The following SH3RF2 variants were observed in gnomAD, a reference collection of about 807,000 sequenced individuals.
The protein encoded by SH3RF2 is SH3 domain containing ring finger 2.
SH3RF2 carries 43 observed loss-of-function variants against 59.0 expected under a neutral mutation model. The observed-to-expected ratio is 0.73, with a 90% CI of 0.57 to 0.94. The LOEUF is 0.94. Ranked by LOEUF, SH3RF2 falls within the 40% of genes least tolerant of loss-of-function variation. The pLI is 0.00. For missense variants in SH3RF2, 930 were observed against 940.1 expected (o/e 0.99, Z 0.14); for synonymous variants, 391 against 391.5 (o/e 1.00, Z 0.01).
intron 7 of SH3RF2, among the ~76,000 whole-genome samples, chr5:146,051,665 G>T (rs1762502220): frequency 6.6e-6 from 1 of 152,172 alleles, no homozygotes; most frequent in African/African-American, 2.4e-5. Flanking sequence ...GCATGTTTTG[G>T]GGTATGGAGG....
chr5:145,969,492 C>T (rs1218661303), intron 2 of SH3RF2, among the ~76,000 whole-genome samples: 1 of 152,098 alleles, frequency 6.6e-6, no homozygotes, highest in Non-Finnish European at 1.5e-5. Context: ...GGAAAAGAGG[C>T]AGAGGGCAGA....
intron 2 of SH3RF2, among the ~76,000 whole-genome samples, chr5:145,963,502 T>C (rs1379170429): frequency 6.6e-6 from 1 of 152,152 alleles, no homozygotes; most frequent in Non-Finnish European, 1.5e-5. Context: ...TTCCAAAGAA[T>C]GAAGGGATTA....
chr5:145,937,849 C>T lies in SH3RF2; in HGVS notation c.-80C>T, dbSNP rs1385429145. ...CAAAAATTCTGACGTTCTCAAGAGACCAGCTCTGCCCCCGTGGCTCAACTG... is the reference window on the plus strand; with the variant it reads ...CAAAAATTCTGACGTTCTCAAGAGATCAGCTCTGCCCCCGTGGCTCAACTG... On this transcript the variant is annotated 5_prime_UTR_variant, in exon 2 of 10. Transcript: ENST00000359120. 1 of 1,508,344 alleles carries T rather than the reference C, an allele frequency of 6.6e-7. No homozygotes were observed. The highest frequency in any genetic ancestry group is 8.9e-7 in the Non-Finnish European group (1 of 1,127,530). The allele number at this position is 1,508,344 out of a possible 1,614,324, so 93.4% of individuals were successfully genotyped here.
chr5:145,969,354 T>C (rs1252437272), intron 2 of SH3RF2, among the ~76,000 whole-genome samples: 1 of 151,818 alleles, frequency 6.6e-6, no homozygotes, highest in Non-Finnish European at 1.5e-5. Flanking sequence ...GCAATCAGAA[T>C]TAAAAAGAAG....
intron 1 of SH3RF2, chr5:145,937,042 A>G (rs1757614495): frequency 6.6e-6 from 1 of 152,172 alleles, no homozygotes; most frequent in Admixed American, 6.5e-5. Flanking sequence ...GGTCGTGACC[A>G]CAATCCAGAA....
In SH3RF2 at chr5:146,075,778, TAAAAAAAAAAAA is replaced by T. The variant is rs56300547; in HGVS notation, c.*34-2664_*34-2653del. On this transcript the variant is annotated intron_variant, in intron 9 of 9. Transcript: ENST00000511217. ...TTGGGCACAATGGCGAAATTCCATG[TAAAAAAAAAAAA>T]AAAAAAAAAAAAAAAAAGGATGAAA... Among the ~76,000 whole-genome samples the T allele has an allele frequency of 2.8e-3, 212 of 76,972 alleles. 2 individuals are homozygous for T. The highest frequency in any genetic ancestry group is 9.2e-3 in the African/African-American group (200 of 21,830). 50.5% of individuals were successfully genotyped at this position (76,972 alleles called of 152,430 possible).
At chr5:145,987,245 A>G (rs1292598882) in intron 2 of SH3RF2, among the ~76,000 whole-genome samples, 2 of 152,264 alleles carry the variant, frequency 1.3e-5, no homozygotes, top group East Asian at 3.9e-4. Flanking sequence ...GTTTGGTTAC[A>G]TGCGTAAGTT....
intron 2 of SH3RF2, among the ~76,000 whole-genome samples, chr5:145,993,420 T>C (rs1321402698): frequency 1.3e-5 from 2 of 152,234 alleles, no homozygotes; most frequent in Non-Finnish European, 2.9e-5. Context: ...CCTCACATTT[T>C]CCTTCTGCAT....
At chr5:146,026,804 G>C (rs931029252) in intron 5 of SH3RF2, among the ~76,000 whole-genome samples, 1 of 152,128 alleles carries the variant, frequency 6.6e-6, no homozygotes, top group Non-Finnish European at 1.5e-5. Context: ...ACTTTACTCC[G>C]TCTGAGCCTC....
At chr5:146,038,392 A>G (rs185062088) in intron 5 of SH3RF2, among the ~76,000 whole-genome samples, 1 of 152,220 alleles carries the variant, frequency 6.6e-6, no homozygotes, top group African/African-American at 2.4e-5. Flanking sequence ...TATAACTGTC[A>G]TTATTTGCAG....
At chr5:145,974,402 A>G (rs574941106) in intron 2 of SH3RF2, among the ~76,000 whole-genome samples, 2 of 152,294 alleles carry the variant, frequency 1.3e-5, no homozygotes, top group East Asian at 3.9e-4. Flanking sequence ...ACCTTTGGTC[A>G]TGGTAGGAAT....
chr5:146,073,785 G>A (rs1479003747), intron 9 of SH3RF2, among the ~76,000 whole-genome samples: 1 of 152,090 alleles, frequency 6.6e-6, no homozygotes, highest in Non-Finnish European at 1.5e-5. Flanking sequence ...TGGAGTAAAT[G>A]GCAAAGAAGC....
intron 9 of SH3RF2, among the ~76,000 whole-genome samples, chr5:146,072,723 A>G (rs1561776946): frequency 1.3e-5 from 2 of 152,172 alleles, no homozygotes; most frequent in South Asian, 2.1e-4. Flanking sequence ...TTGTTGACTA[A>G]ATGCAGGTAC....
chr5:146,048,324 A>AG (rs1229249194), intron 6 of SH3RF2, among the ~76,000 whole-genome samples: 1 of 151,878 alleles, frequency 6.6e-6, no homozygotes, highest in African/African-American at 2.4e-5. Context: ...CAAAAAAAAA[A>AG]AAAGACAACA....
chr5:145,979,621 G>T (rs1055534828), intron 2 of SH3RF2, among the ~76,000 whole-genome samples: 3 of 152,090 alleles, frequency 2.0e-5, no homozygotes, highest in African/African-American at 7.2e-5. Flanking sequence ...CATGATGTCG[G>T]CCAACTCAAA....
At chr5:146,021,511 C>T (rs1761314225) in intron 5 of SH3RF2, among the ~76,000 whole-genome samples, 1 of 152,164 alleles carries the variant, frequency 6.6e-6, no homozygotes, top group Non-Finnish European at 1.5e-5. Flanking sequence ...TGCTCTGTCC[C>T]ATATTATCAT....
At chr5:145,965,253 A>AT (rs1758814778) in intron 2 of SH3RF2, among the ~76,000 whole-genome samples, 2 of 152,016 alleles carry the variant, frequency 1.3e-5, no homozygotes, top group Non-Finnish European at 2.9e-5. Flanking sequence ...ACCCACTGCA[A>AT]TTTTTTGTTT....
downstream of SH3RF2, among the ~76,000 whole-genome samples, chr5:146,064,776 A>AAGG (rs1561773661): frequency 0.029 from 720 of 24,750 alleles, 80 homozygotes; most frequent in Non-Finnish European, 0.04. Flanking sequence ...GGAAGGAAGG[A>AAGG]AAGGAAGGAA....
At chr5:146,057,716 C>T (rs1024991856) in intron 8 of SH3RF2, among the ~76,000 whole-genome samples, 3 of 151,998 alleles carry the variant, frequency 2.0e-5, no homozygotes, top group Non-Finnish European at 4.4e-5. Flanking sequence ...GAGGTGGGAA[C>T]ATTACTTGAG....
Sources: allele counts gnomAD v4.1 joint callset (sites outside exome capture counted in the v4.1 genomes callset), GRCh38; gene constraint gnomAD v4.1.1; transcripts MANE v1.5; gene names NCBI Gene and HGNC (gene_info 2026-07-23, HGNC 2026-07-21).